Variants in ADD3 observed in about 807,000 individuals in gnomAD.
ADD3 encodes adducin 3.
A neutral mutation model predicts 80.2 loss-of-function variants in ADD3; 25 were observed. The ratio of observed to expected loss-of-function variants is 0.31; its 90% confidence interval spans 0.23 to 0.44. The LOEUF is 0.44. ADD3 is among the 20% of genes least tolerant of loss of function. ADD3 has a pLI of 1.00. For missense variants in ADD3, 829 were observed against 847.5 expected (o/e 0.98, Z 0.27); for synonymous variants, 284 against 289.6 (o/e 0.98, Z 0.20).
intron 1 of ADD3, among the ~76,000 whole-genome samples, chr10:110,083,586 A>G (rs1846339848): frequency 6.6e-6 from 1 of 151,878 alleles, no homozygotes; most frequent in South Asian, 2.1e-4. Context: ...TTTTTTTAGG[A>G]AGAGTCATTT....
At chr10:110,076,836 C>T (rs996989705) in intron 1 of ADD3, among the ~76,000 whole-genome samples, 5 of 152,214 alleles carry the variant, frequency 3.3e-5, no homozygotes, top group African/African-American at 1.2e-4. Context: ...GGCAGGAAAG[C>T]TGATCTACAA....
At chr10:110,001,329 C>T (rs545005432), upstream of ADD3, among the ~76,000 whole-genome samples, 58 of 151,122 alleles carry the variant, frequency 3.8e-4, no homozygotes, top group Non-Finnish European at 7.2e-4. Flanking sequence ...GTGGGAGGAT[C>T]GCTTGAGCCC....
In ADD3 at chr10:110,133,332, A is replaced by G. The variant is rs1032183912; in HGVS notation, c.1835A>G (p.His612Arg). Residue 612 changes from histidine (H) to arginine (R), a missense_variant, in exon 15 of 15, where the codon CAT (histidine) becomes CGT (arginine). His to Arg is a conservative substitution (Grantham distance 29). Transcript: ENST00000356080. ...QNVPEKLEENHELFSKSFISM... is the reference protein window; with the variant it reads ...QNVPEKLEENRELFSKSFISM... ...AAACCCTCCCCTTTCGTAGAAAACC[A>G]TGAGCTGTTTTCCAAGAGCTTCATC... 9 of 1,580,448 alleles carry G rather than the reference A, an allele frequency of 5.7e-6. No individual in the cohort carries two copies. The Admixed American group carries it at 1.4e-4, about 24-fold the overall frequency.
At chr10:110,009,670 A>G (rs956333438) in intron 1 of ADD3, among the ~76,000 whole-genome samples, 1 of 152,230 alleles carries the variant, frequency 6.6e-6, no homozygotes, top group Non-Finnish European at 1.5e-5. Context: ...GATTAACTTT[A>G]TGGAAGGAGG....
chr10:109,997,817 C>A (rs1334494930), intron 1 of ADD3, among the ~76,000 whole-genome samples: 1 of 152,220 alleles, frequency 6.6e-6, no homozygotes, highest in Non-Finnish European at 1.5e-5. Context: ...GCTAAATGTG[C>A]AGCTTCCAGA....
intron 5 of ADD3, among the ~76,000 whole-genome samples, chr10:110,117,661 G>A (rs954870257): frequency 3.0e-4 from 40 of 135,314 alleles, no homozygotes; most frequent in Non-Finnish European, 3.2e-4. Context: ...GAAGGGAATC[G>A]TGATTTTTTT....
chr10:110,002,565 T>C (rs1264239507), upstream of ADD3, among the ~76,000 whole-genome samples: 1 of 152,126 alleles, frequency 6.6e-6, no homozygotes, highest in Non-Finnish European at 1.5e-5. Flanking sequence ...TGAGCCACCG[T>C]GCCTGGCTGG....
At chr10:110,011,079 A>G (rs972547019) in intron 1 of ADD3, among the ~76,000 whole-genome samples, 1 of 145,038 alleles carries the variant, frequency 6.9e-6, no homozygotes, top group Non-Finnish European at 1.5e-5. Flanking sequence ...TAAAGATACT[A>G]AAGTCTTTTT....
At chr10:110,072,967 T>C (rs1844919062) in intron 1 of ADD3, among the ~76,000 whole-genome samples, 2 of 152,090 alleles carry the variant, frequency 1.3e-5, no homozygotes, top group South Asian at 4.1e-4. Flanking sequence ...TGAGTTTTAC[T>C]CCCTCAGCTG....
rs949574918 is a variant in ADD3, at chr10:110,134,877, A to G, written c.*1259A>G. On this transcript the variant is annotated 3_prime_UTR_variant, in exon 15 of 15. Coordinates refer to ENST00000356080, the MANE Select transcript of ADD3 (RefSeq NM_016824.5). ...CAGCAGGTCTAATCCCACCAGTAAG[A>G]AAACTACCACTTCTTGATTTTTACA... 1.3e-5 allele frequency: 2 copies of G among 152,658 alleles called. No homozygotes were observed. The highest frequency in any genetic ancestry group is 2.4e-5 in the African/African-American group (1 of 41,462). 9.5% of individuals were successfully genotyped at this position (152,658 alleles called of 1,614,324 possible). A position where few individuals can be genotyped will look rare whatever the true frequency, so the allele number is the denominator to read the frequency against.
chr10:110,022,315 A>G (rs1396469050), intron 1 of ADD3, among the ~76,000 whole-genome samples: 1 of 152,162 alleles, frequency 6.6e-6, no homozygotes, highest in Admixed American at 6.5e-5. Flanking sequence ...AAAATATGGA[A>G]TAACCAATTC....
chr10:110,092,257 ACAAG>A (rs1847616289), intron 1 of ADD3, among the ~76,000 whole-genome samples: 1 of 152,184 alleles, frequency 6.6e-6, no homozygotes, highest in East Asian at 1.9e-4. Flanking sequence ...CCAAAAAGAC[ACAAG>A]CGCAAATATG....
At chr10:109,996,516 C>T (rs892544125) in intron 1 of ADD3, 1 of 152,138 alleles carries the variant, frequency 6.6e-6, no homozygotes, top group Non-Finnish European at 1.5e-5. Flanking sequence ...GGAGGAAGGT[C>T]AACAAATGAC....
intron 1 of ADD3, among the ~76,000 whole-genome samples, chr10:110,025,399 G>T (rs998188537): frequency 1.3e-5 from 2 of 151,944 alleles, no homozygotes; most frequent in East Asian, 3.9e-4. Context: ...TCAGAGTGGT[G>T]GTAGCCAACT....
At chr10:110,104,142 A>G (rs1849155591) in intron 2 of ADD3, among the ~76,000 whole-genome samples, 1 of 152,214 alleles carries the variant, frequency 6.6e-6, no homozygotes. Flanking sequence ...AGGAGAGGGC[A>G]TAAGATAACT....
intron 1 of ADD3, among the ~76,000 whole-genome samples, chr10:110,028,372 G>C (rs895132138): frequency 3.3e-5 from 5 of 151,914 alleles, no homozygotes; most frequent in African/African-American, 1.2e-4. Flanking sequence ...TCAGGAGTTC[G>C]AGACCAGCCT....
intron 1 of ADD3, among the ~76,000 whole-genome samples, chr10:110,078,390 T>C (rs1203097288): frequency 3.9e-5 from 6 of 152,188 alleles, no homozygotes; most frequent in Admixed American, 3.9e-4. Flanking sequence ...GAGAGAAAAA[T>C]GTTTGGATGT....
At chr10:110,096,847 A>T (rs915171268) in intron 1 of ADD3, among the ~76,000 whole-genome samples, 3 of 152,202 alleles carry the variant, frequency 2.0e-5, no homozygotes, top group Non-Finnish European at 4.4e-5. Context: ...CGTCTTTGAA[A>T]AACGATGTAC....
chr10:110,007,084 G>A (rs1851698100), upstream of ADD3, among the ~76,000 whole-genome samples: 1 of 152,106 alleles, frequency 6.6e-6, no homozygotes, highest in Non-Finnish European at 1.5e-5. Flanking sequence ...TGGGAGGCCC[G>A]GTGTCACCTG....
Sources: allele counts gnomAD v4.1 joint callset (sites outside exome capture counted in the v4.1 genomes callset), GRCh38; gene constraint gnomAD v4.1.1; transcripts MANE v1.5; gene names NCBI Gene and HGNC (gene_info 2026-07-23, HGNC 2026-07-21).